Variants in CACNA1C observed in about 807,000 individuals in gnomAD.
CACNA1C encodes calcium voltage-gated channel subunit alpha1 C, also known as voltage-dependent L-type calcium channel subunit alpha-1C.
Under a neutral mutation model 229.0 loss-of-function variants are expected in CACNA1C, and 30 were observed. That is an observed-to-expected ratio of 0.13 (90% CI 0.10 to 0.18). CACNA1C has a LOEUF of 0.18. Among genes scored for constraint, CACNA1C ranks in the 10% least tolerant of loss-of-function variants. CACNA1C has a pLI of 1.00. For missense variants in CACNA1C, 1,658 were observed against 2,845.0 expected, an observed-to-expected ratio of 0.58 and a Z score of 9.49; for synonymous variants, 1,114 against 1,132.5, an observed-to-expected ratio of 0.98 and a Z score of 0.33.
intron 34 of CACNA1C, among the ~76,000 whole-genome samples, chr12:2,662,477 C>T (rs948626391): frequency 2.6e-5 from 4 of 152,064 alleles, no homozygotes; most frequent in Non-Finnish European, 5.9e-5. Flanking sequence ...GAAACTATAC[C>T]ATTTTAAATG....
At chr12:2,436,791 A>G (rs778281624) in intron 3 of CACNA1C, among the ~76,000 whole-genome samples, 5 of 152,224 alleles carry the variant, frequency 3.3e-5, no homozygotes, top group African/African-American at 4.8e-5. Context: ...AATGACTTTC[A>G]CAATAAGGAA....
intron 3 of CACNA1C, among the ~76,000 whole-genome samples, chr12:2,162,248 A>G (rs1156842195): frequency 1.3e-5 from 2 of 151,664 alleles, no homozygotes; most frequent in East Asian, 2.0e-4. Flanking sequence ...CAAGCACCTG[A>G]CCACCACCCC....
chr12:2,344,628 G>C (rs2096956981), intron 3 of CACNA1C, among the ~76,000 whole-genome samples: 1 of 152,086 alleles, frequency 6.6e-6, no homozygotes. Flanking sequence ...GGCTGTCCTG[G>C]GATGGGCCCT....
intron 14 of CACNA1C, 77 bp from the exon 15 acceptor site, chr12:2,582,745 T>TGGGGC: frequency 3.3e-6 from 5 of 1,525,022 alleles, no homozygotes; most frequent in Non-Finnish European, 4.5e-6. Context: ...GTTGACGTAG[T>TGGGGC]GGGGCAGGGC....
intron 3 of CACNA1C, among the ~76,000 whole-genome samples, chr12:2,191,148 G>T (rs1171485419): frequency 6.6e-6 from 1 of 152,182 alleles, no homozygotes; most frequent in Non-Finnish European, 1.5e-5. Flanking sequence ...TGTCAGAGGG[G>T]ATTTTGCCAG....
At chr12:2,052,901 GC>G (rs1274823704), upstream of CACNA1C, 7 of 797,460 alleles carry the variant, frequency 8.8e-6, no homozygotes, top group Non-Finnish European at 1.1e-5. Flanking sequence ...CGCCGGGCGG[GC>G]GGGCGGGCGG....
intron 3 of CACNA1C, among the ~76,000 whole-genome samples, chr12:2,423,462 G>A (rs751947121): frequency 6.6e-6 from 1 of 152,146 alleles, no homozygotes; most frequent in Non-Finnish European, 1.5e-5. Context: ...TTCATCGGTA[G>A]GATGGGGTAA....
At chr12:2,342,704 G>GCC (rs1340814855) in intron 3 of CACNA1C, among the ~76,000 whole-genome samples, 1 of 152,200 alleles carries the variant, frequency 6.6e-6, no homozygotes, top group Non-Finnish European at 1.5e-5. Flanking sequence ...ATGCCTCCAA[G>GCC]CCATCATTTT....
chr12:2,289,286 G>T (rs188453531), intron 3 of CACNA1C, among the ~76,000 whole-genome samples: 19 of 152,300 alleles, frequency 1.2e-4, no homozygotes, highest in East Asian at 1.9e-4. Context: ...TCTTTGAGTG[G>T]ATGTGGCTTT....
intron 13 of CACNA1C, among the ~76,000 whole-genome samples, chr12:2,579,342 C>A (rs567496734): frequency 6.6e-6 from 1 of 152,082 alleles, no homozygotes; most frequent in African/African-American, 2.4e-5. Flanking sequence ...AGTGCACATG[C>A]GGACACTCTT....
At chr12:2,072,299 A>G (rs2061645268) in intron 1 of CACNA1C, among the ~76,000 whole-genome samples, 1 of 152,148 alleles carries the variant, frequency 6.6e-6, no homozygotes, top group South Asian at 2.1e-4. Flanking sequence ...TCCGGGTTCA[A>G]GCAGTTCTCC....
intron 1 of CACNA1C, among the ~76,000 whole-genome samples, chr12:1,989,974 T>A (rs2038937158): frequency 6.6e-6 from 1 of 152,224 alleles, no homozygotes; most frequent in Non-Finnish European, 1.5e-5. Flanking sequence ...AAAAACTTGC[T>A]TTTTAAACCT....
At position 2,513,070 on chromosome 12, in the gene CACNA1C, C is replaced by T. The variant is rs1017712062; in HGVS notation, c.1390+86C>T. 4.3e-6 allele frequency: 5 copies of T among 1,158,796 alleles called. No homozygotes were observed. The African/African-American group carries it at 7.8e-5, about 18-fold the overall frequency. The allele number at this position is 1,158,796 out of a possible 1,614,324, so 71.8% of individuals were successfully genotyped here. ...GGTCAGCACAGAACTTTGACCGCCA[C>T]CCTTTCTTAGAAGCCCACGGGGTGC... On this transcript the variant is annotated intron_variant, in intron 9 of 46. Transcript: ENST00000399655.
At chr12:2,142,411 A>G (rs1597156701) in intron 3 of CACNA1C, among the ~76,000 whole-genome samples, 1 of 151,326 alleles carries the variant, frequency 6.6e-6, no homozygotes, top group East Asian at 1.9e-4. Flanking sequence ...TCTAGCACAG[A>G]CAGTTCTGTA....
At chr12:2,361,767 A>G (rs1245981580) in intron 3 of CACNA1C, among the ~76,000 whole-genome samples, 3 of 152,220 alleles carry the variant, frequency 2.0e-5, no homozygotes, top group African/African-American at 4.8e-5. Context: ...ATGAATCCAT[A>G]TAAGTTCCAG....
chr12:2,449,312 C>T (rs74823149), intron 4 of CACNA1C, among the ~76,000 whole-genome samples, 197 bp downstream of exon 4: 15 of 152,110 alleles, frequency 9.9e-5, no homozygotes, highest in African/African-American at 2.9e-4. Flanking sequence ...TGAGAGAGTG[C>T]GCTTCCTGCC....
chr12:1,996,723 G>A (rs1453854501), intron 1 of CACNA1C, among the ~76,000 whole-genome samples: 1 of 148,318 alleles, frequency 6.7e-6, no homozygotes, highest in Non-Finnish European at 1.5e-5. Flanking sequence ...AAGCCATCTT[G>A]GGCCACGTGT....
intron 29 of CACNA1C, among the ~76,000 whole-genome samples, chr12:2,615,392 G>A (rs2079939240): frequency 6.6e-6 from 1 of 152,176 alleles, no homozygotes; most frequent in South Asian, 2.1e-4. Context: ...AACAGAAATG[G>A]CTAAGATCTC....
intron 25 of CACNA1C, 146 bp from the exon 26 acceptor site, chr12:2,606,838 T>G (rs921854413): frequency 9.6e-7 from 1 of 1,038,936 alleles, no homozygotes; most frequent in Non-Finnish European, 1.4e-6. Context: ...TCCTGAAGTT[T>G]CTGCCCACTG....
Sources: allele counts gnomAD v4.1 joint callset (sites outside exome capture counted in the v4.1 genomes callset), GRCh38; gene constraint gnomAD v4.1.1; transcripts MANE v1.5; gene names NCBI Gene and HGNC (gene_info 2026-07-23, HGNC 2026-07-21).